Variants in C1GALT1C1 observed in about 807,000 individuals in gnomAD.
C1GALT1C1 encodes the protein C1GALT1-specific chaperone 1.
For missense variants in C1GALT1C1, 176 were observed against 234.7 expected (o/e 0.75, Z 1.63); for synonymous variants, 77 against 77.9 (o/e 0.99, Z 0.06).
intron 1 of C1GALT1C1, chrX:120,627,391 A>G (rs1927216756): frequency 7.3e-6 from 2 of 274,309 alleles, no homozygotes; most frequent in African/African-American, 2.8e-5. Flanking sequence ...GAACTTTGCA[A>G]CAACTCCTCT....
Position 120,626,756 on chromosome X carries a change from G to A in C1GALT1C1, c.411C>T (p.Tyr137=). The part of the protein sequence containing the change: ...KYAFDKYRDQ[Y]NWFFLARPTT... ...TGGGGCGTGCAAGGAAGAACCAGTT[G>A]TATTGGTCTCTATACTTATCAAAGG... The change falls in exon 2 of 2, where the codon TAC becomes TAT. Residue 137 remains tyrosine (Y), a synonymous_variant. Coordinates refer to ENST00000304661, the MANE Select transcript of C1GALT1C1 (RefSeq NM_001011551.3). The A allele has an allele frequency of 1.7e-6, 2 of 1,211,333 alleles. No homozygotes were observed. Among genetic ancestry groups the A allele is most frequent in the Non-Finnish European group, 2.2e-6 (2 of 895,242 alleles).
chrX:120,626,164 A>G lies in C1GALT1C1; in HGVS notation c.*46T>C. The stretch of plus-strand genomic sequence containing the variant: ...GTAGTTACTACTACAAATAATGACA[A>G]CACACGTCCTATACAAAGATCATAT... On this transcript the variant is annotated 3_prime_UTR_variant, in exon 2 of 2. Transcript: ENST00000304661. 1 of 1,061,603 alleles carries G rather than the reference A, an allele frequency of 9.4e-7. No individual in the cohort carries two copies. Among genetic ancestry groups the G allele is most frequent in the Non-Finnish European group, 1.3e-6 (1 of 776,858 alleles). 87.5% of individuals were successfully genotyped at this position (1,061,603 alleles called of 1,213,427 possible).
chrX:120,628,003 C>T (rs1257840648), intron 1 of C1GALT1C1, among the ~76,000 whole-genome samples: 1 of 111,489 alleles, frequency 9.0e-6, no homozygotes, highest in Non-Finnish European at 1.9e-5. Context: ...CTTTGGGAGG[C>T]TGAGGTGGGT....
At chrX:120,627,403 T>TG (rs1220082338) in intron 1 of C1GALT1C1, 1 of 255,427 alleles carries the variant, frequency 3.9e-6, no homozygotes, top group Non-Finnish European at 6.9e-6. Context: ...AACTCCTCTA[T>TG]GGAGAAGTTT....
Position 120,625,785 on chromosome X carries a change from A to G in C1GALT1C1, c.*425T>C, listed in dbSNP as rs769554529. The G allele has an allele frequency of 8.6e-6, 1 of 115,811 alleles. No individual in the cohort carries two copies. Among genetic ancestry groups the G allele is most frequent in the East Asian group, 2.6e-4 (1 of 3,793 alleles). 9.5% of individuals were successfully genotyped at this position (115,811 alleles called of 1,213,427 possible). A position where few individuals can be genotyped will look rare whatever the true frequency, so the allele number is the denominator to read the frequency against. ...GAACATAAATCAGTATTAGAAGTAAAGGGAACACACAGCTAAAAGTTTTAC... is the reference window on the plus strand; with the variant it reads ...GAACATAAATCAGTATTAGAAGTAAGGGGAACACACAGCTAAAAGTTTTAC... On this transcript the variant is annotated 3_prime_UTR_variant, in exon 2 of 2. Transcript: ENST00000304661.
chrX:120,626,738 T>C lies in C1GALT1C1; in HGVS notation c.429A>G (p.Ala143=), dbSNP rs1569408745. The C allele has an allele frequency of 8.3e-7, 1 of 1,211,753 alleles. No homozygotes were observed. The highest frequency in any genetic ancestry group is 2.3e-4 in the Middle Eastern group (1 of 4,352). Reference sequence around the variant, plus strand: ...CAATGATAGCAAACGTAGTGGGGCGTGCAAGGAAGAACCAGTTGTATTGGT... The same window carrying C: ...CAATGATAGCAAACGTAGTGGGGCGCGCAAGGAAGAACCAGTTGTATTGGT... The part of the protein sequence containing the change: ...YRDQYNWFFL[A]RPTTFAIIEN... Residue 143 remains alanine (A), a synonymous_variant, in exon 2 of 2, where the codon GCA becomes GCG. Coordinates refer to ENST00000304661, the MANE Select transcript of C1GALT1C1 (RefSeq NM_001011551.3).
chrX:120,626,421 T>C lies in C1GALT1C1; in HGVS notation c.746A>G (p.Lys249Arg). 1 of 1,211,834 alleles carries C rather than the reference T, an allele frequency of 8.3e-7. No individual in the cohort carries two copies. Among genetic ancestry groups the C allele is most frequent in the Non-Finnish European group, 1.1e-6 (1 of 895,255 alleles). Residue 249 changes from lysine (K) to arginine (R), a missense_variant, in exon 2 of 2, where the codon AAA becomes AGA. Coordinates refer to ENST00000304661, the MANE Select transcript of C1GALT1C1 (RefSeq NM_001011551.3). ...CTCTTTAATAGAAAGCCCAACAGAT[T>C]TGGTATTAAATACATCTTTTCCATC... ...DADGKDVFNT[K>R]SVGLSIKEAM...
At position 120,626,075 on chromosome X, in the gene C1GALT1C1, T is replaced by C. The variant is rs1602615932; in HGVS notation, c.*135A>G. Reference sequence around the variant, plus strand: ...TTTAAAAATGTACTACTGACTTTAATGTGTGGTTATACCAGTGCCACCAAA... The same window carrying C: ...TTTAAAAATGTACTACTGACTTTAACGTGTGGTTATACCAGTGCCACCAAA... On this transcript the variant is annotated 3_prime_UTR_variant, in exon 2 of 2. Coordinates refer to ENST00000304661, the MANE Select transcript of C1GALT1C1 (RefSeq NM_001011551.3). 1 of 527,194 alleles carries C rather than the reference T, an allele frequency of 1.9e-6. No homozygotes were observed. The highest frequency in any genetic ancestry group is 3.0e-6 in the Non-Finnish European group (1 of 331,491). 43.4% of individuals were successfully genotyped at this position (527,194 alleles called of 1,213,427 possible).
At position 120,627,080 on chromosome X, in the gene C1GALT1C1, C is replaced by T; in HGVS notation, c.87G>A (p.Arg29=). The T allele has an allele frequency of 1.7e-6, 2 of 1,209,865 alleles. No individual in the cohort carries two copies. Among genetic ancestry groups the T allele is most frequent in the Non-Finnish European group, 2.2e-6 (2 of 894,575 alleles). ...GGTGCATTCTATTTCCATGACCAAT[C>T]CTAATGTGTCCTAGCATAGTGATCA... is the stretch of plus-strand genomic sequence containing the variant. ...CALITMLGHI[R]IGHGNRMHHH... The change falls in exon 2 of 2, where the codon AGG becomes AGA. Residue 29 remains arginine (R), a synonymous_variant. Coordinates refer to ENST00000304661, the MANE Select transcript of C1GALT1C1 (RefSeq NM_001011551.3).
At position 120,626,267 on chromosome X, in the gene C1GALT1C1, C is replaced by A; in HGVS notation, c.900G>T (p.Gly300=). 8.3e-7 allele frequency: 1 copy of A among 1,211,416 alleles called. No homozygotes were observed. The highest frequency in any genetic ancestry group is 1.1e-6 in the Non-Finnish European group (1 of 895,206). The part of the protein sequence containing the change: ...MYGVYRLRAF[G]HIFNDALVFL... ...AAACCAATGCATCATTGAAAATATG[C>A]CCAAATGCCCTAAGGCGGTATACCC... Residue 300 remains glycine, a synonymous_variant, in exon 2 of 2, where the codon GGG becomes GGT. Transcript: ENST00000304661.
intron 1 of C1GALT1C1, chrX:120,627,554 C>T (rs1388562390): frequency 8.5e-6 from 1 of 118,121 alleles, no homozygotes; most frequent in Non-Finnish European, 1.7e-5. Context: ...TGAACTTTTA[C>T]ACCAAAACCT....
chrX:120,627,772 A>G (rs148676300), intron 1 of C1GALT1C1, among the ~76,000 whole-genome samples: 75 of 112,151 alleles, frequency 6.7e-4, no homozygotes, highest in African/African-American at 2.4e-3. Context: ...CCAATACAGT[A>G]TCCCAACTAT....
intron 1 of C1GALT1C1, 84 bp from the exon 2 acceptor site, chrX:120,627,255 C>T (rs1927211491): frequency 2.7e-6 from 2 of 734,078 alleles, no homozygotes. Context: ...TATATACTTA[C>T]ATTTTGCTTT....
chrX:120,628,226 T>A (rs770040297), intron 1 of C1GALT1C1, among the ~76,000 whole-genome samples: 1 of 111,942 alleles, frequency 8.9e-6, no homozygotes, highest in East Asian at 2.8e-4. Context: ...GGCATCAGAG[T>A]GAGACTCTGT....
chrX:120,626,092 G>A lies in C1GALT1C1; in HGVS notation c.*118C>T, dbSNP rs1161567155. 5.8e-6 allele frequency: 4 copies of A among 688,938 alleles called. No individual in the cohort carries two copies. In the East Asian group the frequency reaches 1.3e-4, roughly 22 times the overall value. 56.8% of individuals were successfully genotyped at this position (688,938 alleles called of 1,213,427 possible). On this transcript the variant is annotated 3_prime_UTR_variant, in exon 2 of 2. Coordinates refer to ENST00000304661, the MANE Select transcript of C1GALT1C1 (RefSeq NM_001011551.3). ...GACTTTAATGTGTGGTTATACCAGT[G>A]CCACCAAATTAGAAAAGAAAAAGAA...
Position 120,629,965 on chromosome X carries a change from T to G in C1GALT1C1, c.-54A>C, listed in dbSNP as rs1927307375. 1 of 112,167 alleles carries G rather than the reference T, an allele frequency of 8.9e-6. No homozygotes were observed. Among genetic ancestry groups the G allele is most frequent in the Admixed American group, 9.3e-5 (1 of 10,703 alleles). The allele number at this position is 112,167 out of a possible 1,213,427, so 9.2% of individuals were successfully genotyped here. ...CAGGAAAGCGCAGCCGCGCACGGGT[T>G]TCCTCTCACGTTGGCGCACCACTCC... On this transcript the variant is annotated 5_prime_UTR_variant, in exon 1 of 2. Coordinates refer to ENST00000304661, the MANE Select transcript of C1GALT1C1 (RefSeq NM_001011551.3).
rs1927154239 is a variant in C1GALT1C1 at position 120,625,928 on chromosome X, A to G, written c.*282T>C. On this transcript the variant is annotated 3_prime_UTR_variant, in exon 2 of 2. Coordinates refer to ENST00000304661, the MANE Select transcript of C1GALT1C1 (RefSeq NM_001011551.3). ...TGCCCCACAGATTTCTAATGTTCAT[A>G]ATTTAGAATTTATCACATATAATAT... 4.6e-6 allele frequency: 1 copy of G among 219,124 alleles called. No individual in the cohort carries two copies. The highest frequency in any genetic ancestry group is 8.2e-6 in the Non-Finnish European group (1 of 122,250). 18.1% of individuals were successfully genotyped at this position (219,124 alleles called of 1,213,427 possible).
intron 1 of C1GALT1C1, among the ~76,000 whole-genome samples, chrX:120,627,852 T>C (rs989962350): frequency 4.4e-5 from 5 of 112,522 alleles, no homozygotes; most frequent in African/African-American, 1.3e-4. Flanking sequence ...TAGATATATC[T>C]GGGGCCCATT....
In C1GALT1C1 at chrX:120,626,989, G is replaced by A. The variant is rs763941184; in HGVS notation, c.178C>T (p.Arg60Cys). 3.0e-5 allele frequency: 36 copies of A among 1,208,797 alleles called. No individual in the cohort carries two copies. The highest frequency in any genetic ancestry group is 8.8e-5 in the Admixed American group (4 of 45,525). Residue 60 changes from arginine to cysteine, a missense_variant, in exon 2 of 2, where the codon CGC becomes TGC. Arg to Cys is a radical substitution (Grantham distance 180). Transcript: ENST00000304661. ...EDILKISEDE[R>C]MELSKSFRVY... ...CGAAAGCTCTTACTGAGCTCCATGC[G>A]CTCATCCTCTGAAATTTTCAAGATA...
Sources: gnomAD v4.1 joint callset for allele counts (sites outside exome capture counted in the v4.1 genomes callset) on GRCh38, gnomAD v4.1.1 for gene constraint, MANE v1.5 for transcripts, NCBI Gene and HGNC (gene_info 2026-07-23, HGNC 2026-07-21) for gene names.